KIF1C: variants seen among roughly 807,000 people sequenced by gnomAD.
KIF1C encodes the protein kinesin family member 1C.
In KIF1C, 61 loss-of-function variants were observed where a neutral mutation model predicts 126.5. The ratio of observed to expected loss-of-function variants is 0.48; its 90% CI spans 0.39 to 0.60. The LOEUF (loss-of-function observed/expected upper bound fraction) is 0.60, where lower values mean the gene tolerates loss of function less well. KIF1C is among the 20% of genes least tolerant of loss of function. The pLI is 0.00. For missense variants in KIF1C, 1,315 were observed against 1,489.2 expected (o/e 0.88, Z 1.93); for synonymous variants, 640 against 580.6 (o/e 1.10, Z -1.47).
intron 13 of KIF1C, among the ~76,000 whole-genome samples, chr17:5,005,427 C>G (rs1023785981): frequency 6.6e-6 from 1 of 152,184 alleles, no homozygotes; most frequent in African/African-American, 2.4e-5. Context: ...CTCAGCCTCA[C>G]TGATGGAAAT....
At chr17:5,016,286 C>T (rs1189546418) in intron 18 of KIF1C, among the ~76,000 whole-genome samples, 6 of 151,790 alleles carry the variant, frequency 4.0e-5, no homozygotes, top group Non-Finnish European at 7.4e-5. Context: ...TACAGGTGTG[C>T]GCCACCACAC....
chr17:5,020,119 C>T lies in KIF1C; in HGVS notation c.1750+40C>T, dbSNP rs1975057407. 5.4e-6 allele frequency: 8 copies of T among 1,494,362 alleles called. No individual in the cohort carries two copies. Among genetic ancestry groups the T allele is most frequent in the Non-Finnish European group, 7.3e-6 (8 of 1,092,626 alleles). The allele number at this position is 1,494,362 out of a possible 1,614,324, so 92.6% of individuals were successfully genotyped here. On this transcript the variant is annotated intron_variant, in intron 19 of 22. Transcript: ENST00000320785. The surrounding 1 kb of genome is among the most constrained non-coding windows in gnomAD (Gnocchi z 5.8). ...GCAGATTGAGGGTTCTGGGGCGTGGCTGTGTGTAGGAAGTCTCAAGGGAGG... is the reference window on the plus strand; with the variant it reads ...GCAGATTGAGGGTTCTGGGGCGTGGTTGTGTGTAGGAAGTCTCAAGGGAGG...
Position 5,014,775 on chromosome 17 carries a change from C to T in KIF1C, c.1604C>T (p.Thr535Ile), listed in dbSNP as rs766830103. 6.2e-7 allele frequency: 1 copy of T among 1,600,928 alleles called. No individual in the cohort carries two copies. Among genetic ancestry groups the T allele is most frequent in the South Asian group, 1.1e-5 (1 of 88,018 alleles). ...VGQVDMDIKL[T>I]GQFIREQHCL... ...CAAGTAGATATGGACATCAAGCTGA[C>T]CGGACAGTTCATTCGGGAGCAACAC... The change falls in exon 18 of 23, where the codon ACC becomes ATC. Residue 535 changes from threonine (T) to isoleucine (I), a missense_variant. Transcript: ENST00000320785.
rs1197922685 is a variant in KIF1C, at chr17:5,000,359, G to C, written c.106+7G>C. On this transcript the variant is annotated splice_region_variant and intron_variant, in intron 3 of 22. Coordinates refer to ENST00000320785, the MANE Select transcript of KIF1C (RefSeq NM_006612.6). ...ATGCAGGGCAACACCACCTGTGAGT[G>C]AGTCCCCGGGGCCTGGCTGGGCACA... is the stretch of plus-strand genomic sequence containing the variant. 12 of 1,557,732 alleles carry C rather than the reference G, an allele frequency of 7.7e-6. No homozygotes were observed. Among genetic ancestry groups the C allele is most frequent in the Non-Finnish European group, 1.0e-5 (12 of 1,147,856 alleles).
In KIF1C at chr17:5,002,819, C is replaced by T. The variant is rs1361059674; in HGVS notation, c.697C>T (p.Leu233Phe). The T allele has an allele frequency of 3.1e-6, 5 of 1,612,940 alleles. No individual in the cohort carries two copies. The African/African-American group carries it at 4.0e-5, about 13-fold the overall frequency. ...CTTCACACAGCGCTGCCATGACCAG[C>T]TCACGGGGCTGGACTCGGAGAAGGT... is the stretch of plus-strand genomic sequence containing the variant. ...IVFTQRCHDQLTGLDSEKVSK... is the reference protein window; with the variant it reads ...IVFTQRCHDQFTGLDSEKVSK... Residue 233 changes from leucine (L) to phenylalanine (F), a missense_variant, in exon 8 of 23, where the codon CTC (leucine) becomes TTC (phenylalanine). Around this residue, in one of 2 missense-constraint regions of KIF1C, gnomAD observed 874 missense variants for 1,053.2 expected, o/e 0.83. Transcript: ENST00000320785.
rs1975231304 is a variant in KIF1C, at chr17:5,027,678, C to G, written c.*3527C>G. The G allele has an allele frequency of 6.6e-6, 1 of 152,206 alleles. No individual in the cohort carries two copies. Among genetic ancestry groups the G allele is most frequent in the Admixed American group, 6.6e-5 (1 of 15,258 alleles). 9.4% of individuals were successfully genotyped at this position (152,206 alleles called of 1,614,324 possible). On this transcript the variant is annotated 3_prime_UTR_variant, in exon 23 of 23. Coordinates refer to ENST00000320785, the MANE Select transcript of KIF1C (RefSeq NM_006612.6). ...CTAAAGCCCAAACCCCATCTCACCC[C>G]TCTAGGCCATCAAGTATTGGCTGGG...
At chr17:5,013,303 G>T (rs1974905947) in intron 16 of KIF1C, among the ~76,000 whole-genome samples, 1 of 152,124 alleles carries the variant, frequency 6.6e-6, no homozygotes, top group African/African-American at 2.4e-5. Context: ...GGGGCTTCTG[G>T]TGAGGGAGCC....
chr17:5,021,427 C>G (rs1307663326), intron 21 of KIF1C, among the ~76,000 whole-genome samples: 2 of 152,006 alleles, frequency 1.3e-5, no homozygotes, highest in African/African-American at 2.4e-5. Context: ...CCGCCTGCCT[C>G]AGCCTCCCAA....
At chr17:5,021,174 T>TTG (rs1286899279) in intron 21 of KIF1C, among the ~76,000 whole-genome samples, 1 of 139,780 alleles carries the variant, frequency 7.2e-6, no homozygotes, top group African/African-American at 2.7e-5. Context: ...TTGTGGTTTT[T>TTG]TTTTTTTTTT....
intron 3 of KIF1C, 135 bp from the exon 4 acceptor site, chr17:5,000,637 T>C (rs1597838765): frequency 1.2e-6 from 1 of 837,210 alleles, no homozygotes; most frequent in Admixed American, 2.2e-5. Flanking sequence ...GGGTGGGGAA[T>C]GTTAAAGGGG....
chr17:5,002,394 GA>G (rs1322035058), intron 6 of KIF1C, 69 bp from the exon 7 acceptor site: 6 of 1,397,536 alleles, frequency 4.3e-6, no homozygotes, highest in Middle Eastern at 1.9e-4. Flanking sequence ...GTGTCCAGTG[GA>G]GTCAGATTAA....
In KIF1C at chr17:5,000,774, A is replaced by G. The variant is rs751047597; in HGVS notation, c.109A>G (p.Ile37Val). The change falls in exon 4 of 23, where the codon ATC becomes GTC. Residue 37 changes from isoleucine (I) to valine (V), a missense_variant and splice_region_variant. Transcript: ENST00000320785. Reference sequence around the variant, plus strand: ...CTTTACCCTCTCCTGCCCCTCAGCCATCATCAATCCTAAACAGAGCAAGGA... The same window carrying G: ...CTTTACCCTCTCCTGCCCCTCAGCCGTCATCAATCCTAAACAGAGCAAGGA... Reference protein sequence around the residue: ...VVSMQGNTTSIINPKQSKDAP... With the variant: ...VVSMQGNTTSVINPKQSKDAP... 1.9e-5 allele frequency: 31 copies of G among 1,613,820 alleles called. No individual in the cohort carries two copies. In the African/African-American group the frequency reaches 3.7e-4, roughly 19 times the overall value.
rs1974909563 is a variant in KIF1C, at chr17:5,013,503, G to A, written c.1492-150G>A. 1.1e-5 allele frequency: 7 copies of A among 614,204 alleles called. No homozygotes were observed. The East Asian group carries it at 2.0e-4, about 18-fold the overall frequency. The allele number at this position is 614,204 out of a possible 1,614,324, so 38.0% of individuals were successfully genotyped here. ...TCGGGGTGGAGGGATGACGATGGGA[G>A]GAGTACAGAGGGCAGGAGAGCTCTC... On this transcript the variant is annotated intron_variant, in intron 16 of 22. Transcript: ENST00000320785.
chr17:5,023,509 G>C lies in KIF1C; in HGVS notation c.2670G>C (p.Trp890Cys). Residue 890 changes from tryptophan (W) to cysteine (C), a missense_variant, in exon 23 of 23, where the codon TGG (tryptophan) becomes TGC (cysteine). Trp to Cys is a radical substitution (Grantham distance 215). This residue lies in a region of KIF1C where 441 missense variants were observed against 436.1 expected (regional missense o/e 1.01). Transcript: ENST00000320785. This position sits in a 1 kb window ranked among gnomAD's most constrained non-coding sequence, Gnocchi z 4.2. ...DENEEGGEVP[W>C]APPEGSEAAE... The stretch of plus-strand genomic sequence containing the variant: ...ATGAAGAAGGTGGTGAGGTCCCCTG[G>C]GCCCCGCCTGAAGGATCAGAGGCAG... 2 of 1,613,990 alleles carry C rather than the reference G, an allele frequency of 1.2e-6. No individual in the cohort carries two copies. Among genetic ancestry groups the C allele is most frequent in the Non-Finnish European group, 1.7e-6 (2 of 1,179,986 alleles).
At chr17:5,000,933 C>A in intron 4 of KIF1C, 85 bp downstream of exon 4, 1 of 1,329,880 alleles carries the variant, frequency 7.5e-7, no homozygotes. Context: ...AGAAATAGGA[C>A]CCCCAGGGGA....
At chr17:5,008,740 T>A (rs1230714194) in intron 16 of KIF1C, among the ~76,000 whole-genome samples, 1 of 152,190 alleles carries the variant, frequency 6.6e-6, no homozygotes, top group East Asian at 1.9e-4. Flanking sequence ...TGTCTGGGGC[T>A]GGGTACCCTG....
chr17:5,017,102 TG>T (rs1974987096), intron 18 of KIF1C, among the ~76,000 whole-genome samples: 2 of 151,884 alleles, frequency 1.3e-5, no homozygotes, highest in Admixed American at 6.6e-5. Context: ...AGCCATTTGC[TG>T]GGGGAGATAT....
intron 3 of KIF1C, 115 bp downstream of exon 3, chr17:5,000,467 G>T: frequency 1.3e-6 from 1 of 774,542 alleles, no homozygotes. Context: ...CAGAGCAGGT[G>T]CTAGTCGTAA....
At chr17:5,012,041 A>C (rs867169534) in intron 16 of KIF1C, 1 of 152,240 alleles carries the variant, frequency 6.6e-6, no homozygotes, top group South Asian at 2.1e-4. Flanking sequence ...GAATGAATAA[A>C]CGAACTTAAA....
Sources: gnomAD v4.1 joint callset for allele counts (sites outside exome capture counted in the v4.1 genomes callset) on GRCh38, gnomAD v4.1.1 for gene constraint, gnomAD v4.1.1 regional missense constraint, Gnocchi (gnomAD v3.1) non-coding constraint, MANE v1.5 for transcripts, NCBI Gene and HGNC (gene_info 2026-07-23, HGNC 2026-07-21) for gene names.